ERBIN: variants seen among roughly 807,000 people sequenced by gnomAD.
ERBIN encodes densin-180-like protein.
ERBIN carries 60 observed loss-of-function variants against 158.4 expected under a neutral mutation model. The observed-to-expected ratio is 0.38, with a 90% CI of 0.31 to 0.47. ERBIN has a LOEUF of 0.47. ERBIN is among the 20% of genes least tolerant of loss of function. The pLI, the probability that ERBIN is intolerant of heterozygous loss-of-function variation, is 0.99. For synonymous variants in ERBIN, 594 were observed against 557.2 expected (o/e 1.07, Z -0.93); for missense variants, 1,610 against 1,648.0 (o/e 0.98, Z 0.40).
intron 16 of ERBIN, 75 bp from the exon 17 acceptor site, chr5:66,044,062 T>C: frequency 9.0e-7 from 1 of 1,107,020 alleles, no homozygotes; most frequent in Non-Finnish European, 1.2e-6. Flanking sequence ...TTCAGATGGG[T>C]TACAGATTAA....
intron 1 of ERBIN, among the ~76,000 whole-genome samples, chr5:65,953,330 A>G (rs935896561): frequency 6.6e-6 from 1 of 152,182 alleles, no homozygotes; most frequent in Non-Finnish European, 1.5e-5. Flanking sequence ...TTGGGCAGAT[A>G]TTTTAGGTTC....
At chr5:65,931,822 T>TC (rs200752225) in intron 1 of ERBIN, among the ~76,000 whole-genome samples, 16 of 148,948 alleles carry the variant, frequency 1.1e-4, no homozygotes, top group South Asian at 2.1e-4. Flanking sequence ...TTTCTTTCTT[T>TC]TTTTTTTTTT....
chr5:65,953,097 G>A (rs1746711579), intron 1 of ERBIN, among the ~76,000 whole-genome samples: 1 of 152,116 alleles, frequency 6.6e-6, no homozygotes, highest in Non-Finnish European at 1.5e-5. Context: ...TCTGGCTTCT[G>A]GTCCACAGCC....
chr5:65,961,857 G>A (rs1747963421), intron 1 of ERBIN, among the ~76,000 whole-genome samples: 1 of 152,142 alleles, frequency 6.6e-6, no homozygotes, highest in South Asian at 2.1e-4. Context: ...CATGATTCCT[G>A]TGCTGGTATC....
intron 15 of ERBIN, among the ~76,000 whole-genome samples, chr5:66,042,083 T>G (rs1200477284): frequency 6.6e-6 from 1 of 152,024 alleles, no homozygotes; most frequent in Non-Finnish European, 1.5e-5. Flanking sequence ...TTAATAAAAA[T>G]GATAATTAGA....
intron 4 of ERBIN, among the ~76,000 whole-genome samples, chr5:66,004,019 T>A (rs1362176260): frequency 7.0e-6 from 1 of 142,174 alleles, no homozygotes; most frequent in Non-Finnish European, 1.5e-5. Flanking sequence ...GCTCACTGCA[T>A]CCCGAACTCT....
intron 15 of ERBIN, among the ~76,000 whole-genome samples, chr5:66,038,936 C>T (rs1757670277): frequency 1.3e-5 from 2 of 152,020 alleles, no homozygotes; most frequent in South Asian, 2.1e-4. Context: ...ATACCTTTTA[C>T]TACTGGGCAC....
At chr5:65,963,972 T>C (rs573607141) in intron 1 of ERBIN, among the ~76,000 whole-genome samples, 4 of 152,124 alleles carry the variant, frequency 2.6e-5, no homozygotes, top group African/African-American at 9.6e-5. Flanking sequence ...GCTAATTTTT[T>C]GTATTTTTAG....
At chr5:65,936,175 G>A (rs923774728) in intron 1 of ERBIN, among the ~76,000 whole-genome samples, 1 of 152,082 alleles carries the variant, frequency 6.6e-6, no homozygotes. Flanking sequence ...GGGGTGGGGA[G>A]AGGAGGGTAT....
In ERBIN at chr5:66,004,689, C is replaced by T. The variant is rs78377986; in HGVS notation, c.308-7360C>T. The stretch of plus-strand genomic sequence containing the variant: ...AAGTGCTGGTATTACATGCGTGAGC[C>T]ACTGCACCCTGCCCCTGTGTACTTT... On this transcript the variant is annotated intron_variant, in intron 4 of 25. Transcript: ENST00000284037. Among the ~76,000 whole-genome samples the T allele has an allele frequency of 6.3e-3, 965 of 152,314 alleles. 16 individuals carry two copies. The highest frequency in any genetic ancestry group is 0.022 in the African/African-American group (926 of 41,570).
chr5:66,012,973 A>G (rs1356540501), intron 5 of ERBIN, among the ~76,000 whole-genome samples: 5 of 152,310 alleles, frequency 3.3e-5, no homozygotes, highest in Middle Eastern at 3.4e-3. Context: ...GTGGTTCTCA[A>G]CTGGGGGCTC....
intron 6 of ERBIN, 81 bp from the exon 7 acceptor site, chr5:66,014,588 T>A: frequency 1.5e-6 from 1 of 681,066 alleles, no homozygotes; most frequent in East Asian, 3.3e-5. Context: ...CATTGCTTCC[T>A]TTAAAACATT....
Position 66,081,944 on chromosome 5 carries a change from A to C in ERBIN, c.*3414A>C, listed in dbSNP as rs911899836. 3 of 152,064 alleles carry C rather than the reference A, an allele frequency of 2.0e-5. No homozygotes were observed. The highest frequency in any genetic ancestry group is 6.5e-5 in the Admixed American group (1 of 15,278). The allele number at this position is 152,064 out of a possible 1,614,324, so 9.4% of individuals were successfully genotyped here. On this transcript the variant is annotated 3_prime_UTR_variant, in exon 26 of 26. Coordinates refer to ENST00000284037, the MANE Select transcript of ERBIN (RefSeq NM_001253697.2). The stretch of plus-strand genomic sequence containing the variant: ...TAATCTAGACAGGCAGCCAACTCAG[A>C]CCTTTGGGTATTCCTTTGTTTCTAA...
At chr5:66,025,414 C>G (rs1756132167) in intron 10 of ERBIN, 66 bp from the exon 11 acceptor site, 6 of 1,189,444 alleles carry the variant, frequency 5.0e-6, no homozygotes, top group Non-Finnish European at 7.5e-6. Context: ...ATGTCTCACA[C>G]TGACTGTTGG....
intron 1 of ERBIN, among the ~76,000 whole-genome samples, chr5:65,976,513 CTTTTTTCT>C (rs1205664913): frequency 6.8e-6 from 1 of 147,136 alleles, no homozygotes; most frequent in African/African-American, 2.6e-5. Flanking sequence ...TATTTCTTTT[CTTTTTTCT>C]TTTTTTTTTT....
intron 7 of ERBIN, among the ~76,000 whole-genome samples, chr5:66,014,983 A>G (rs1754561237): frequency 6.6e-6 from 1 of 152,182 alleles, no homozygotes; most frequent in African/African-American, 2.4e-5. Context: ...AGTCAAAATA[A>G]TAAATATGTA....
intron 1 of ERBIN, among the ~76,000 whole-genome samples, chr5:65,978,332 T>C (rs1259834055): frequency 6.6e-6 from 1 of 152,206 alleles, no homozygotes; most frequent in African/African-American, 2.4e-5. Flanking sequence ...TCTGAGATGT[T>C]TGCATTTGTA....
chr5:66,075,068 G>A lies in ERBIN; in HGVS notation c.3801G>A (p.Gln1267=). 2 of 1,614,078 alleles carry A rather than the reference G, an allele frequency of 1.2e-6. No individual in the cohort carries two copies. Among genetic ancestry groups the A allele is most frequent in the Non-Finnish European group, 1.7e-6 (2 of 1,180,016 alleles). ...AGATGGGCCAGCCTCTCAGGCCTCA[G>A]GCAAATTATAGTCAAATACATCACC... The part of the protein sequence containing the change: ...NGQMGQPLRP[Q]ANYSQIHHPP... Residue 1267 remains glutamine (Q), a synonymous_variant, in exon 23 of 26, where the codon CAG becomes CAA. Transcript: ENST00000284037.
intron 14 of ERBIN, among the ~76,000 whole-genome samples, chr5:66,034,737 C>T (rs189234149): frequency 1.3e-5 from 2 of 152,104 alleles, no homozygotes; most frequent in Non-Finnish European, 1.5e-5. Context: ...AAATTAATCA[C>T]TCCACAAGTT....
Sources: gnomAD v4.1 joint callset for allele counts (sites outside exome capture counted in the v4.1 genomes callset) on GRCh38, gnomAD v4.1.1 for gene constraint, MANE v1.5 for transcripts, NCBI Gene and HGNC (gene_info 2026-07-23, HGNC 2026-07-21) for gene names.